Variants in KALRN observed in about 807,000 individuals in gnomAD.
The protein encoded by KALRN is kalirin RhoGEF kinase.
A neutral mutation model predicts 353.7 loss-of-function variants in KALRN; 70 were observed. That is an observed-to-expected ratio of 0.20 (90% CI 0.16 to 0.24). The LOEUF is 0.24. KALRN is among the 10% of genes least tolerant of loss of function. KALRN has a pLI of 1.00. For synonymous variants in KALRN, 1,391 were observed against 1,434.8 expected, an observed-to-expected ratio of 0.97 and a Z score of 0.69; for missense variants, 2,791 against 3,756.7, an observed-to-expected ratio of 0.74 and a Z score of 6.72.
intron 33 of KALRN, among the ~76,000 whole-genome samples, chr3:124,554,084 C>A (rs150426396): frequency 2.0e-5 from 3 of 152,210 alleles, no homozygotes; most frequent in African/African-American, 7.2e-5. Context: ...GGCCAGGCAC[C>A]GTGGCTTACG....
intron 11 of KALRN, among the ~76,000 whole-genome samples, chr3:124,388,940 C>A (rs937805214): frequency 6.6e-6 from 1 of 152,086 alleles, no homozygotes; most frequent in African/African-American, 2.4e-5. Context: ...ACTCTATAGG[C>A]AAAGTTCTGG....
chr3:124,573,209 G>C (rs2073741133), intron 34 of KALRN, among the ~76,000 whole-genome samples: 1 of 152,180 alleles, frequency 6.6e-6, no homozygotes. Flanking sequence ...GCTGCAGTGA[G>C]CTATGATTGC....
chr3:124,466,034 C>CTGTGTG (rs10639598), intron 25 of KALRN, among the ~76,000 whole-genome samples: 2,229 of 147,440 alleles, frequency 0.015, 26 homozygotes, highest in South Asian at 0.022. Context: ...CTCTCTTGCT[C>CTGTGTG]TGTGTGTGTG....
chr3:124,644,879 CTA>C (rs1290005083), intron 37 of KALRN, among the ~76,000 whole-genome samples: 1 of 152,158 alleles, frequency 6.6e-6, no homozygotes. Flanking sequence ...ATTCCTGGTT[CTA>C]GATCCTTGAG....
intron 18 of KALRN, among the ~76,000 whole-genome samples, chr3:124,441,226 G>A (rs780306658): frequency 1.3e-4 from 20 of 152,198 alleles, no homozygotes; most frequent in Non-Finnish European, 2.8e-4. Context: ...ATTTTCAAGT[G>A]GGTTTATGTT....
intron 29 of KALRN, among the ~76,000 whole-genome samples, chr3:124,490,181 C>G (rs896636731): frequency 1.3e-5 from 2 of 152,122 alleles, no homozygotes; most frequent in Admixed American, 1.3e-4. Context: ...TCACTTGAAC[C>G]TGGGAGTTCA....
At chr3:124,087,497 C>T (rs149843018) in intron 1 of KALRN, among the ~76,000 whole-genome samples, 3 of 152,248 alleles carry the variant, frequency 2.0e-5, no homozygotes, top group East Asian at 3.9e-4. Context: ...ATCTCCTTGG[C>T]GATCTCATCG....
At chr3:124,197,033 C>T (rs1056055575) in intron 1 of KALRN, among the ~76,000 whole-genome samples, 8 of 152,134 alleles carry the variant, frequency 5.3e-5, no homozygotes, top group African/African-American at 1.7e-4. Flanking sequence ...CCCTACACAC[C>T]CAACAATTAT....
chr3:124,692,352 T>G (rs2061858004), intron 51 of KALRN, among the ~76,000 whole-genome samples: 1 of 152,234 alleles, frequency 6.6e-6, no homozygotes, highest in Non-Finnish European at 1.5e-5. Context: ...ACCTGGGTGG[T>G]ATAAGCAGGC....
At chr3:124,536,650 T>C (rs1201464370) in intron 33 of KALRN, among the ~76,000 whole-genome samples, 1 of 152,234 alleles carries the variant, frequency 6.6e-6, no homozygotes, top group Non-Finnish European at 1.5e-5. Context: ...ATAGCAAAGG[T>C]ATCCTTGAGA....
chr3:124,094,618 C>A (rs924733168), intron 1 of KALRN: 2 of 596,960 alleles, frequency 3.4e-6, no homozygotes, highest in Non-Finnish European at 3.1e-6. Context: ...GGTCTGCACA[C>A]GGCGTTGTTC....
intron 11 of KALRN, among the ~76,000 whole-genome samples, chr3:124,393,475 C>A (rs1189328712): frequency 6.6e-6 from 1 of 152,194 alleles, no homozygotes; most frequent in Non-Finnish European, 1.5e-5. Flanking sequence ...CAACATGTAT[C>A]CCAGCTTATA....
intron 1 of KALRN, among the ~76,000 whole-genome samples, chr3:124,076,082 T>A (rs2149291600): frequency 6.6e-6 from 1 of 152,288 alleles, no homozygotes; most frequent in South Asian, 2.1e-4. Context: ...CAGGACAGAC[T>A]AAGAGAATGG....
intron 25 of KALRN, among the ~76,000 whole-genome samples, chr3:124,465,847 T>G (rs1300110342): frequency 6.6e-6 from 1 of 152,124 alleles, no homozygotes; most frequent in Non-Finnish European, 1.5e-5. Context: ...ATTGGGAGAT[T>G]GAGAGATTGA....
chr3:124,614,936 G>A (rs987266149), intron 34 of KALRN, among the ~76,000 whole-genome samples: 2 of 152,180 alleles, frequency 1.3e-5, no homozygotes, highest in Non-Finnish European at 2.9e-5. Flanking sequence ...CTCTTCTCAT[G>A]TTTGTGATCA....
chr3:124,722,535 A>C lies in KALRN; in HGVS notation c.*3065A>C, dbSNP rs950002969. ...CAAAGCTCCTGGTCCCTCCCAACAG[A>C]GATAAGAGAGTAGTCTTGGTTCAAG... On this transcript the variant is annotated 3_prime_UTR_variant, in exon 60 of 60. Coordinates refer to ENST00000682506, the MANE Select transcript of KALRN (RefSeq NM_001388419.1). 1 of 152,178 alleles carries C rather than the reference A, an allele frequency of 6.6e-6. No homozygotes were observed. Among genetic ancestry groups the C allele is most frequent in the African/African-American group, 2.4e-5 (1 of 41,430 alleles). 9.4% of individuals were successfully genotyped at this position (152,178 alleles called of 1,614,324 possible). A position where few individuals can be genotyped will look rare whatever the true frequency, so the allele number is the denominator to read the frequency against.
rs549101669 is a variant in KALRN, at chr3:124,090,073, C to T, written c.73+56260C>T. Among the ~76,000 whole-genome samples, 4 of 152,060 alleles carry T rather than the reference C, an allele frequency of 2.6e-5. No homozygotes were observed. The East Asian group carries it at 7.8e-4, about 29-fold the overall frequency. On this transcript the variant is annotated intron_variant, in intron 1 of 59. Transcript: ENST00000682506. ...CCAGGGTAGACGAGCTTTATAAGGT[C>T]CTGAAGGAGGAGAGGGGACTGGCTC...
chr3:124,395,868 T>C (rs150299574), intron 12 of KALRN, among the ~76,000 whole-genome samples: 34 of 152,348 alleles, frequency 2.2e-4, no homozygotes, highest in African/African-American at 7.9e-4. Flanking sequence ...CATTCCTTGC[T>C]GCCCAGAAAA....
chr3:124,642,805 C>A (rs200290041), intron 37 of KALRN, among the ~76,000 whole-genome samples: 1 of 102,538 alleles, frequency 9.8e-6, no homozygotes, highest in Admixed American at 1.1e-4. Context: ...TCCCAAGCCT[C>A]GTTTTTTTTT....
Sources: allele counts gnomAD v4.1 joint callset (sites outside exome capture counted in the v4.1 genomes callset), GRCh38; gene constraint gnomAD v4.1.1; transcripts MANE v1.5; gene names NCBI Gene and HGNC (gene_info 2026-07-23, HGNC 2026-07-21).